ARK2C: variants seen among roughly 807,000 people sequenced by gnomAD.
ARK2C encodes the protein arkadia (RNF111) C-terminal like ring finger ubiquitin ligase 2C.
chr18:46,363,878 T>C, the ARK2C span, among the ~76,000 whole-genome samples: 9 of 152,088 alleles, frequency 5.9e-5, no homozygotes, highest in African/African-American at 1.9e-4. Flanking sequence ...TCAGTGGGTC[T>C]GAGGCCCTGA....
the ARK2C span, among the ~76,000 whole-genome samples, chr18:46,415,525 CA>C: frequency 6.8e-6 from 1 of 148,132 alleles, no homozygotes. Context: ...GGATCTGTCT[CA>C]AAAAAAATAA....
the ARK2C span, among the ~76,000 whole-genome samples, chr18:46,347,336 A>C: frequency 6.6e-6 from 1 of 151,872 alleles, no homozygotes; most frequent in African/African-American, 2.4e-5. Flanking sequence ...TCCAGTCTCC[A>C]TCCTCCCTGC....
chr18:46,350,780 T>G, the ARK2C span, among the ~76,000 whole-genome samples: 2 of 152,168 alleles, frequency 1.3e-5, no homozygotes, highest in African/African-American at 4.8e-5. Flanking sequence ...TAAAGTGTCC[T>G]AACAAGCTGG....
the ARK2C span, among the ~76,000 whole-genome samples, chr18:46,411,231 C>T: frequency 6.6e-6 from 1 of 152,172 alleles, no homozygotes; most frequent in Non-Finnish European, 1.5e-5. Flanking sequence ...GAGCTTAGCT[C>T]TTGGCATTTG....
the ARK2C span, among the ~76,000 whole-genome samples, chr18:46,430,632 T>C: frequency 4.6e-5 from 7 of 152,198 alleles, no homozygotes; most frequent in Non-Finnish European, 8.8e-5. Context: ...TGCATCTTTT[T>C]TCCTCCCATT....
At chr18:46,426,524 C>A in the ARK2C span, among the ~76,000 whole-genome samples, 1 of 152,320 alleles carries the variant, frequency 6.6e-6, no homozygotes, top group East Asian at 1.9e-4. Flanking sequence ...CCCCCTGTCC[C>A]AGCTGTGCAG....
At chr18:46,369,510 G>A in the ARK2C span, among the ~76,000 whole-genome samples, 3 of 152,128 alleles carry the variant, frequency 2.0e-5, no homozygotes, top group Middle Eastern at 3.2e-3. Flanking sequence ...GTCAGGGAAC[G>A]AGAAATGCCT....
the ARK2C span, among the ~76,000 whole-genome samples, chr18:46,378,657 C>T: frequency 6.6e-6 from 1 of 152,196 alleles, no homozygotes; most frequent in Non-Finnish European, 1.5e-5. Context: ...AGGTTGAGAG[C>T]ATTCTGGGCA....
the ARK2C span, among the ~76,000 whole-genome samples, chr18:46,446,535 G>A: frequency 1.3e-5 from 2 of 151,924 alleles, no homozygotes; most frequent in Non-Finnish European, 2.9e-5. Flanking sequence ...TCCGGGCGTG[G>A]TGTGGCATGC....
the ARK2C span, among the ~76,000 whole-genome samples, chr18:46,382,887 T>A: frequency 6.6e-6 from 1 of 152,354 alleles, no homozygotes; most frequent in Middle Eastern, 3.4e-3. Flanking sequence ...CGTCAGAGCC[T>A]CGGGACTGCC....
the ARK2C span, among the ~76,000 whole-genome samples, chr18:46,391,415 T>C: frequency 3.6e-3 from 552 of 152,302 alleles, no homozygotes; most frequent in African/African-American, 0.013. Flanking sequence ...CTGGGCTCAC[T>C]GTATGCTCTC....
chr18:46,384,018 T>C, the ARK2C span, among the ~76,000 whole-genome samples: 1 of 152,234 alleles, frequency 6.6e-6, no homozygotes, highest in African/African-American at 2.4e-5. Flanking sequence ...CCTCTTTCTG[T>C]ATTATTTCAA....
At chr18:46,430,165 A>G in the ARK2C span, among the ~76,000 whole-genome samples, 1 of 151,778 alleles carries the variant, frequency 6.6e-6, no homozygotes, top group African/African-American at 2.4e-5. Context: ...ATTTTTTTTG[A>G]GCTCCTATAT....
the ARK2C span, among the ~76,000 whole-genome samples, chr18:46,446,779 A>T: frequency 8.6e-5 from 13 of 150,858 alleles, no homozygotes; most frequent in Admixed American, 8.6e-4. Flanking sequence ...TCATTTCATG[A>T]GCATGGATCT....
the ARK2C span, among the ~76,000 whole-genome samples, chr18:46,393,281 G>A: frequency 6.6e-6 from 1 of 152,198 alleles, no homozygotes; most frequent in South Asian, 2.1e-4. Flanking sequence ...AAAACTTTGT[G>A]GGGTGACTGT....
At chr18:46,451,286 G>A in the ARK2C span, among the ~76,000 whole-genome samples, 123 of 152,298 alleles carry the variant, frequency 8.1e-4, no homozygotes, top group African/African-American at 2.5e-3. Context: ...AAGCCACAGA[G>A]TCACAGGTTT....
the ARK2C span, chr18:46,435,199 C>G: frequency 9.1e-7 from 1 of 1,100,012 alleles, no homozygotes; most frequent in Non-Finnish European, 1.4e-6. Context: ...GAGTGGGGCA[C>G]CCTCAGGCTG....
the ARK2C span, among the ~76,000 whole-genome samples, chr18:46,371,649 C>G: frequency 2.0e-5 from 3 of 152,214 alleles, no homozygotes; most frequent in Non-Finnish European, 4.4e-5. Flanking sequence ...TGATGATAAG[C>G]CTCTCTGGGA....
chr18:46,334,701 TGTGTGTGTGTGTGTGA>T, the ARK2C span: 163 of 317,208 alleles, frequency 5.1e-4, no homozygotes, highest in South Asian at 1.6e-3. This position sits in a 1 kb window ranked among gnomAD's most constrained non-coding sequence, Gnocchi z 4.4. Flanking sequence ...TGTGTGTGTG[TGTGTGTGTGTGTGTGA>T]GAGAGAGAGA....
Sources: allele counts gnomAD v4.1 joint callset (sites outside exome capture counted in the v4.1 genomes callset), GRCh38; gene constraint gnomAD v4.1.1; non-coding constraint Gnocchi (gnomAD v3.1); transcripts MANE v1.5; gene names NCBI Gene and HGNC (gene_info 2026-07-23, HGNC 2026-07-21).